The following COG6 variants were observed in gnomAD, a reference collection of about 807,000 sequenced individuals.
COG6 encodes component of oligomeric golgi complex 6.
COG6 carries 74 observed loss-of-function variants against 88.8 expected under a neutral mutation model. That is an observed-to-expected ratio of 0.83 (90% confidence interval 0.69 to 1.01). The LOEUF is 1.01. COG6 is among the 50% of genes least tolerant of loss of function. The probability of loss-of-function intolerance (pLI) is 0.00; values close to 1 mark genes in which losing one functional copy is unlikely to be tolerated. For synonymous variants in COG6, 286 were observed against 278.7 expected (o/e 1.03, Z -0.26); for missense variants, 800 against 797.9 (o/e 1.00, Z -0.03).
intron 4 of COG6, among the ~76,000 whole-genome samples, chr13:39,668,412 T>G (rs927800372): frequency 6.6e-6 from 1 of 152,190 alleles, no homozygotes; most frequent in African/African-American, 2.4e-5. Flanking sequence ...TCTCATCTCC[T>G]AACTGGTAAA....
chr13:39,664,605 C>G (rs1027120157), intron 3 of COG6, among the ~76,000 whole-genome samples: 18 of 152,212 alleles, frequency 1.2e-4, no homozygotes, highest in African/African-American at 4.3e-4. Context: ...GGGGCTAGCT[C>G]TGATCCTCAC....
At chr13:39,709,059 C>G (rs563468690) in intron 13 of COG6, among the ~76,000 whole-genome samples, 3 of 152,160 alleles carry the variant, frequency 2.0e-5, no homozygotes, top group African/African-American at 7.2e-5. Context: ...TAGAGCTGTA[C>G]TCAAATTCTA....
rs1593400112 is a variant in COG6 at position 39,656,350 on chromosome 13, A to G, written c.153+471A>G. 2.3e-5 allele frequency: 8 copies of G among 353,326 alleles called. No homozygotes were observed. The East Asian group carries it at 4.5e-4, about 20-fold the overall frequency. 21.9% of individuals were successfully genotyped at this position (353,326 alleles called of 1,614,324 possible). A position where few individuals can be genotyped will look rare whatever the true frequency, so the allele number is the denominator to read the frequency against. On this transcript the variant is annotated intron_variant, in intron 1 of 18. Coordinates refer to ENST00000455146, the MANE Select transcript of COG6 (RefSeq NM_020751.3). ...GGTGCATTTCCACGGACAAGTGACAACAATTGCAATAATTTGCAGCGCGAA... is the reference window on the plus strand; with the variant it reads ...GGTGCATTTCCACGGACAAGTGACAGCAATTGCAATAATTTGCAGCGCGAA...
At chr13:39,719,442 G>A (rs533909799) in intron 14 of COG6, 75 bp downstream of exon 14, 10 of 1,431,238 alleles carry the variant, frequency 7.0e-6, no homozygotes, top group Non-Finnish European at 8.7e-6. Flanking sequence ...CTGGAATTTT[G>A]TAATTCATAT....
Position 39,727,525 on chromosome 13 carries a change from C to T in COG6, c.1803C>T (p.Asn601=), listed in dbSNP as rs1345640780. ...ACAACCTATTGATACCACAGCTGAACTTTCTTCTAAGTGCCACAGTGAAGT... is the reference window on the plus strand; with the variant it reads ...ACAACCTATTGATACCACAGCTGAATTTTCTTCTAAGTGCCACAGTGAAGT... ...APDNLLIPQL[N]FLLSATVKEQ... Residue 601 remains asparagine, a synonymous_variant, in exon 18 of 19, where the codon AAC becomes AAT. Coordinates refer to ENST00000455146, the MANE Select transcript of COG6 (RefSeq NM_020751.3). 1.2e-6 allele frequency: 2 copies of T among 1,613,122 alleles called. No homozygotes were observed. Among genetic ancestry groups the T allele is most frequent in the Admixed American group, 3.3e-5 (2 of 60,010 alleles).
intron 16 of COG6, among the ~76,000 whole-genome samples, 197 bp from the exon 17 acceptor site, chr13:39,724,311 G>A (rs775879438): frequency 1.1e-4 from 17 of 151,894 alleles, no homozygotes; most frequent in African/African-American, 1.7e-4. Flanking sequence ...ACTTGAGCAC[G>A]TCTTGCTCTC....
chr13:39,712,447 G>A (rs1216557609), intron 13 of COG6, among the ~76,000 whole-genome samples: 6 of 151,526 alleles, frequency 4.0e-5, no homozygotes, highest in Non-Finnish European at 5.9e-5. Flanking sequence ...AATATGTAGT[G>A]GTATATGTAT....
At chr13:39,754,852 G>A (rs946163973), downstream of COG6, among the ~76,000 whole-genome samples, 1 of 152,066 alleles carries the variant, frequency 6.6e-6, no homozygotes, top group Non-Finnish European at 1.5e-5. Context: ...GTGCATGTTG[G>A]CAAGAAGAAA....
At chr13:39,738,837 A>G (rs745956172) in intron 18 of COG6, among the ~76,000 whole-genome samples, 5 of 152,274 alleles carry the variant, frequency 3.3e-5, no homozygotes, top group South Asian at 2.1e-4. Context: ...TGAAGTAAAT[A>G]TAGTAGTATA....
Position 39,767,067 on chromosome 13 carries a change from G to T in COG6, c.1827-21268G>T, listed in dbSNP as rs548084489. Among the ~76,000 whole-genome samples the T allele has an allele frequency of 2.0e-5, 3 of 152,212 alleles. No individual in the cohort carries two copies. The South Asian group carries it at 6.2e-4, about 32-fold the overall frequency. On this transcript the variant is annotated intron_variant, in intron 18 of 18. Transcript: ENST00000416691. ...GTTTTGTGTACAGGTTAGGGCTGGG[G>T]TATGGAACTCTACCCCCTTCCTTCT... is the stretch of plus-strand genomic sequence containing the variant.
At chr13:39,686,957 T>C (rs899713268) in intron 8 of COG6, among the ~76,000 whole-genome samples, 2 of 151,970 alleles carry the variant, frequency 1.3e-5, no homozygotes, top group Non-Finnish European at 1.5e-5. Flanking sequence ...CTCAAACTCC[T>C]GGGCTCCAGT....
At chr13:39,655,951 A>C (rs1376067642) in intron 1 of COG6, 72 bp downstream of exon 1, 1 of 1,533,832 alleles carries the variant, frequency 6.5e-7, no homozygotes, top group South Asian at 1.2e-5. Flanking sequence ...GGCGTCTGTC[A>C]GGGACCCACC....
At chr13:39,657,768 C>T (rs1381483641) in intron 1 of COG6, among the ~76,000 whole-genome samples, 1 of 152,126 alleles carries the variant, frequency 6.6e-6, no homozygotes, top group Non-Finnish European at 1.5e-5. Flanking sequence ...TGGTTCTCTG[C>T]TCTCTCTTCC....
chr13:39,731,403 C>A (rs372212207), intron 18 of COG6, among the ~76,000 whole-genome samples: 4 of 152,284 alleles, frequency 2.6e-5, no homozygotes, highest in African/African-American at 7.2e-5. Context: ...TTAAAGAATT[C>A]TTCCCTTTGG....
chr13:39,689,389 A>G (rs1876851282), intron 10 of COG6, among the ~76,000 whole-genome samples: 1 of 152,170 alleles, frequency 6.6e-6, no homozygotes, highest in African/African-American at 2.4e-5. Context: ...ACTGCCTGGA[A>G]CAAGATGTTT....
At chr13:39,665,009 G>A in intron 3 of COG6, 87 bp from the exon 4 acceptor site, 2 of 731,740 alleles carry the variant, frequency 2.7e-6, no homozygotes, top group East Asian at 2.7e-5. Flanking sequence ...TTTGTTTTAA[G>A]TCTAAATTGC....
intron 18 of COG6, among the ~76,000 whole-genome samples, chr13:39,784,258 G>A (rs543268577): frequency 6.6e-6 from 1 of 152,334 alleles, no homozygotes; most frequent in South Asian, 2.1e-4. Context: ...TAGCTCAGGT[G>A]CAGAACCCGT....
At chr13:39,713,517 C>T (rs968203570) in intron 13 of COG6, among the ~76,000 whole-genome samples, 1 of 152,058 alleles carries the variant, frequency 6.6e-6, no homozygotes, top group Non-Finnish European at 1.5e-5. Context: ...GGGTGGATCA[C>T]GAGGTCAAGA....
chr13:39,731,217 T>A (rs1182648909), intron 18 of COG6, among the ~76,000 whole-genome samples: 1 of 152,180 alleles, frequency 6.6e-6, no homozygotes. Flanking sequence ...TGCAATACCT[T>A]TGGGACACCT....
Sources: gnomAD v4.1 joint callset for allele counts (sites outside exome capture counted in the v4.1 genomes callset) on GRCh38, gnomAD v4.1.1 for gene constraint, MANE v1.5 for transcripts, NCBI Gene and HGNC (gene_info 2026-07-23, HGNC 2026-07-21) for gene names.